Variants in RAP1A observed in about 807,000 individuals in gnomAD.
The protein encoded by RAP1A is ras-related protein Rap-1A.
Under a neutral mutation model 26.4 loss-of-function variants are expected in RAP1A, and 6 were observed. The observed-to-expected ratio is 0.23, with a 90% CI of 0.12 to 0.45. The LOEUF is 0.45. RAP1A is among the 20% of genes least tolerant of loss of function. The pLI is 0.99. For missense variants in RAP1A, 121 were observed against 217.2 expected (o/e 0.56, Z 2.78); for synonymous variants, 73 against 79.4 (o/e 0.92, Z 0.43).
At chr1:111,696,737 T>A (rs1455116716) in intron 3 of RAP1A, among the ~76,000 whole-genome samples, 1 of 152,190 alleles carries the variant, frequency 6.6e-6, no homozygotes, top group Non-Finnish European at 1.5e-5. Flanking sequence ...ATTAAAACAG[T>A]TTTCCACACA....
intron 1 of RAP1A, among the ~76,000 whole-genome samples, chr1:111,688,031 A>AG (rs1661542567): frequency 8.6e-6 from 1 of 116,676 alleles, no homozygotes; most frequent in Admixed American, 9.9e-5. Flanking sequence ...TGTCTCAAAA[A>AG]AAAAAAAAAA....
intron 1 of RAP1A, among the ~76,000 whole-genome samples, chr1:111,630,607 G>A (rs148923931): frequency 5.4e-4 from 83 of 152,316 alleles, no homozygotes; most frequent in African/African-American, 1.8e-3. Flanking sequence ...TAAATTGAGT[G>A]TTGTGGAAAA....
chr1:111,580,019 C>T (rs1344312395), intron 1 of RAP1A, among the ~76,000 whole-genome samples: 2 of 152,088 alleles, frequency 1.3e-5, no homozygotes, highest in Non-Finnish European at 1.5e-5. Flanking sequence ...TGGTCTCGAA[C>T]TCCTGACCTC....
chr1:111,647,942 A>G (rs1015178895), intron 1 of RAP1A, among the ~76,000 whole-genome samples: 1 of 152,216 alleles, frequency 6.6e-6, no homozygotes, highest in Admixed American at 6.5e-5. Context: ...GGCGTTTAGT[A>G]ACACTTTTAA....
chr1:111,679,101 A>G (rs1661214111), intron 1 of RAP1A, among the ~76,000 whole-genome samples: 1 of 152,196 alleles, frequency 6.6e-6, no homozygotes, highest in South Asian at 2.1e-4. Flanking sequence ...TCCGGGTAAG[A>G]TGGCCGAATA....
Position 111,695,379 on chromosome 1 carries a change from T to C in RAP1A, c.96T>C (p.Tyr32=). ...TTCAGGGAATTTTTGTTGAAAAATA[T>C]GACCCAACGATAGAAGATTCCTACA... is the stretch of plus-strand genomic sequence containing the variant. ...QFVQGIFVEK[Y]DPTIEDSYRK... is the part of the protein sequence containing the mutation. Residue 32 remains tyrosine (Y), a synonymous_variant, in exon 3 of 8, where the codon TAT becomes TAC. Transcript: ENST00000369709. The C allele has an allele frequency of 6.4e-7, 1 of 1,572,230 alleles. No homozygotes were observed. The highest frequency in any genetic ancestry group is 8.6e-7 in the Non-Finnish European group (1 of 1,165,516).
intron 1 of RAP1A, among the ~76,000 whole-genome samples, chr1:111,663,515 ACT>A (rs1423057732): frequency 1.3e-5 from 2 of 152,068 alleles, no homozygotes; most frequent in Non-Finnish European, 2.9e-5. Flanking sequence ...ATTGCCAGGC[ACT>A]CTCCTAAGTG....
At position 111,634,359 on chromosome 1, in the gene RAP1A, C is replaced by G. The variant is rs116117507; in HGVS notation, c.-28+14425C>G. ...TTGTCTGTGCTATTTTTAAAAAGTT[C>G]TCTATTGTTACATTGGTAAATGCAG... On this transcript the variant is annotated intron_variant, in intron 1 of 7. Transcript: ENST00000369709. Among the ~76,000 whole-genome samples the G allele has an allele frequency of 4.8e-3, 722 of 151,920 alleles. 4 individuals are homozygous for G. Among genetic ancestry groups the G allele is most frequent in the African/African-American group, 0.017 (695 of 41,478 alleles).
At chr1:111,663,728 T>A (rs539918376) in intron 1 of RAP1A, among the ~76,000 whole-genome samples, 1 of 152,372 alleles carries the variant, frequency 6.6e-6, no homozygotes, top group East Asian at 1.9e-4. Flanking sequence ...CAACCCCTTT[T>A]TTCTTTCATT....
chr1:111,614,108 C>A (rs1445175098), intron 1 of RAP1A, among the ~76,000 whole-genome samples: 3 of 152,174 alleles, frequency 2.0e-5, no homozygotes, highest in African/African-American at 7.2e-5. Flanking sequence ...TCTTAATACC[C>A]AAACATCTGG....
intron 1 of RAP1A, among the ~76,000 whole-genome samples, chr1:111,614,764 T>C (rs1658985483): frequency 6.6e-6 from 1 of 152,222 alleles, no homozygotes; most frequent in Non-Finnish European, 1.5e-5. Flanking sequence ...AGTGCATAAC[T>C]ACATTCAGTG....
intron 1 of RAP1A, among the ~76,000 whole-genome samples, chr1:111,610,703 T>C (rs969464872): frequency 4.6e-5 from 7 of 152,230 alleles, no homozygotes; most frequent in African/African-American, 1.7e-4. Context: ...GTAAGGAGTT[T>C]TAGCTCAGCC....
At chr1:111,701,498 G>A (rs1021570273) in intron 4 of RAP1A, among the ~76,000 whole-genome samples, 15 of 152,060 alleles carry the variant, frequency 9.9e-5, no homozygotes, top group African/African-American at 3.4e-4. Context: ...ATTTTTGTCT[G>A]TCTCCATGTA....
At chr1:111,698,998 A>G (rs1285098734) in intron 4 of RAP1A, among the ~76,000 whole-genome samples, 1 of 151,470 alleles carries the variant, frequency 6.6e-6, no homozygotes, top group Non-Finnish European at 1.5e-5. Flanking sequence ...TTCTCTGTCC[A>G]GATTGTAAGA....
intron 1 of RAP1A, among the ~76,000 whole-genome samples, chr1:111,661,871 G>T (rs1660649143): frequency 6.6e-6 from 1 of 150,704 alleles, no homozygotes; most frequent in African/African-American, 2.4e-5. Context: ...AAAGTAGAAT[G>T]ACTTTCCCAA....
At chr1:111,574,841 C>G (rs560231655) in intron 1 of RAP1A, among the ~76,000 whole-genome samples, 1 of 152,326 alleles carries the variant, frequency 6.6e-6, no homozygotes, top group South Asian at 2.1e-4. Flanking sequence ...GGCAGTGGCT[C>G]TGCTATACTG....
intron 1 of RAP1A, among the ~76,000 whole-genome samples, chr1:111,552,241 C>T (rs761307252): frequency 5.3e-5 from 8 of 152,144 alleles, no homozygotes; most frequent in African/African-American, 1.9e-4. Context: ...TTCCAAATGA[C>T]GACATTCATT....
At chr1:111,693,324 G>A (rs1661726321) in intron 2 of RAP1A, among the ~76,000 whole-genome samples, 1 of 152,152 alleles carries the variant, frequency 6.6e-6, no homozygotes, top group African/African-American at 2.4e-5. Context: ...AGAGGGGACA[G>A]AGAATGGGGG....
In RAP1A at chr1:111,549,309, C is replaced by CTT. The variant is rs767231547; in HGVS notation, c.-28+6815_-28+6816dup. Among the ~76,000 whole-genome samples, 319 of 125,576 alleles carry CTT rather than the reference C, an allele frequency of 2.5e-3. 2 individuals are homozygous for CTT. Among genetic ancestry groups the CTT allele is most frequent in the African/African-American group, 7.1e-3 (242 of 34,208 alleles). The allele number at this position is 125,576 out of a possible 152,430, so 82.4% of individuals were successfully genotyped here. ...ATCAGTGAAGCCATCCAGTCATGGG[C>CTT]TTTTTTTTTTTTTTTTCTTGTCTTT... On this transcript the variant is annotated intron_variant, in intron 1 of 7. Coordinates refer to the RAP1A transcript ENST00000356415.
Sources: allele counts gnomAD v4.1 joint callset (sites outside exome capture counted in the v4.1 genomes callset), GRCh38; gene constraint gnomAD v4.1.1; transcripts MANE v1.5; gene names NCBI Gene and HGNC (gene_info 2026-07-23, HGNC 2026-07-21).